EFCAB14: variants seen among roughly 807,000 people sequenced by gnomAD.
EFCAB14 encodes the protein EF-hand calcium binding domain 14, also known as EF-hand calcium-binding domain-containing protein 14.
In EFCAB14, 43 loss-of-function variants were observed where a neutral mutation model predicts 56.5. That is an observed-to-expected ratio of 0.76 (90% CI 0.60 to 0.98). The LOEUF (loss-of-function observed/expected upper bound fraction) is 0.98, where lower values mean the gene tolerates loss of function less well. Ranked by LOEUF, EFCAB14 falls within the 50% of genes least tolerant of loss-of-function variation. The probability of loss-of-function intolerance (pLI) is 0.00; values close to 1 mark genes in which losing one functional copy is unlikely to be tolerated. For synonymous variants in EFCAB14, 235 were observed against 212.9 expected, an observed-to-expected ratio of 1.10 and a Z score of -0.90; for missense variants, 538 against 580.3, an observed-to-expected ratio of 0.93 and a Z score of 0.75.
At chr1:46,713,175 T>C (rs1340557236) in intron 2 of EFCAB14, among the ~76,000 whole-genome samples, 1 of 152,206 alleles carries the variant, frequency 6.6e-6, no homozygotes, top group African/African-American at 2.4e-5. Flanking sequence ...GTTTAGCCTA[T>C]GGACTGACTA....
chr1:46,710,075 T>C (rs1383096159), intron 2 of EFCAB14, among the ~76,000 whole-genome samples: 1 of 152,192 alleles, frequency 6.6e-6, no homozygotes, highest in Non-Finnish European at 1.5e-5. Flanking sequence ...GTGATGGTGG[T>C]ATCCTTATTT....
intron 10 of EFCAB14, among the ~76,000 whole-genome samples, chr1:46,679,597 C>CTTTTT: frequency 3.1e-5 from 2 of 64,252 alleles, no homozygotes; most frequent in Non-Finnish European, 7.9e-5. Context: ...ACCACCACGC[C>CTTTTT]TGTTTTTTTT....
intron 3 of EFCAB14, among the ~76,000 whole-genome samples, chr1:46,704,959 GTGA>G (rs1373734348): frequency 6.6e-6 from 1 of 150,686 alleles, no homozygotes; most frequent in Non-Finnish European, 1.5e-5. Flanking sequence ...TTCTCGTTAA[GTGA>G]TATAATAACA....
chr1:46,681,015 G>A (rs995241810), intron 10 of EFCAB14, among the ~76,000 whole-genome samples: 2 of 151,438 alleles, frequency 1.3e-5, no homozygotes. Context: ...CTGTCACCCA[G>A]GTTAGAGTGC....
intron 4 of EFCAB14, 27 bp from the exon 5 acceptor site, chr1:46,691,964 A>T: frequency 6.3e-7 from 1 of 1,577,266 alleles, no homozygotes; most frequent in East Asian, 2.2e-5. Flanking sequence ...AGGAAGGTGT[A>T]AAAAAGCTTT....
chr1:46,700,982 A>T (rs61782565), intron 3 of EFCAB14, among the ~76,000 whole-genome samples: 11 of 75,980 alleles, frequency 1.4e-4, no homozygotes, highest in East Asian at 1.1e-3. Context: ...AGAGAGAGTG[A>T]GTGAGTGTGT....
intron 3 of EFCAB14, among the ~76,000 whole-genome samples, chr1:46,699,306 G>C (rs1677120009): frequency 6.6e-6 from 1 of 152,172 alleles, no homozygotes; most frequent in African/African-American, 2.4e-5. Context: ...AGAAGGGTGA[G>C]GGTGGCATCG....
chr1:46,696,610 T>C lies in EFCAB14; in HGVS notation c.520A>G (p.Asn174Asp), dbSNP rs1677081612. Residue 174 changes from asparagine (N) to aspartate (D), a missense_variant, in exon 4 of 11, where the codon AAT becomes GAT. By Grantham distance (23) the Asn-to-Asp change is conservative (BLOSUM62 1). Coordinates refer to ENST00000371933, the MANE Select transcript of EFCAB14 (RefSeq NM_014774.3). Reference sequence around the variant, plus strand: ...ATCAAGTCTGCAGCTGACTTAACATTGGCTTTGAGGTGGTTCACTGCAGAA... The same window carrying C: ...ATCAAGTCTGCAGCTGACTTAACATCGGCTTTGAGGTGGTTCACTGCAGAA... ...LTSAVNHLKA[N>D]VKSAADLISL... 2 of 1,613,566 alleles carry C rather than the reference T, an allele frequency of 1.2e-6. No individual in the cohort carries two copies. Among genetic ancestry groups the C allele is most frequent in the African/African-American group, 2.7e-5 (2 of 74,870 alleles).
At chr1:46,701,328 G>A (rs1677154066) in intron 3 of EFCAB14, among the ~76,000 whole-genome samples, 1 of 152,210 alleles carries the variant, frequency 6.6e-6, no homozygotes, top group African/African-American at 2.4e-5. Context: ...GTGCCCCAAA[G>A]TATGTACACA....
At chr1:46,715,820 G>A (rs1167245897) in intron 2 of EFCAB14, among the ~76,000 whole-genome samples, 1 of 152,016 alleles carries the variant, frequency 6.6e-6, no homozygotes, top group Non-Finnish European at 1.5e-5. Flanking sequence ...CAACATTCAA[G>A]CAGAGAGCTC....
intron 3 of EFCAB14, among the ~76,000 whole-genome samples, chr1:46,703,943 A>G (rs1343648531): frequency 6.6e-6 from 1 of 152,200 alleles, no homozygotes; most frequent in Non-Finnish European, 1.5e-5. Context: ...TGTTCTACCT[A>G]AAATATTCTT....
chr1:46,681,750 T>C (rs1303408098), intron 10 of EFCAB14, among the ~76,000 whole-genome samples: 1 of 152,076 alleles, frequency 6.6e-6, no homozygotes, highest in South Asian at 2.1e-4. Flanking sequence ...AAAAATATGA[T>C]TGCTGCCTCA....
At position 46,678,238 on chromosome 1, in the gene EFCAB14, C is replaced by A; in HGVS notation, c.*223G>T. ...TTCTGGCAATTTTAAAATGTAAGAT[C>A]TTACTGGTTGTAGGAAATCATAGAT... On this transcript the variant is annotated 3_prime_UTR_variant, in exon 11 of 11. Coordinates refer to ENST00000371933, the MANE Select transcript of EFCAB14 (RefSeq NM_014774.3). 2.5e-6 allele frequency: 1 copy of A among 399,266 alleles called. No individual in the cohort carries two copies. The highest frequency in any genetic ancestry group is 4.4e-6 in the Non-Finnish European group (1 of 228,792). The allele number at this position is 399,266 out of a possible 1,614,324, so 24.7% of individuals were successfully genotyped here.
At chr1:46,697,483 T>C (rs926661058) in intron 3 of EFCAB14, among the ~76,000 whole-genome samples, 1 of 152,180 alleles carries the variant, frequency 6.6e-6, no homozygotes, top group Admixed American at 6.5e-5. Flanking sequence ...GAAAGACTCT[T>C]AGTTCTAAAC....
chr1:46,682,372 T>A (rs1150064), intron 10 of EFCAB14: 60,792 of 151,976 alleles, frequency 0.4, 13,916 homozygotes, highest in East Asian at 0.78. Flanking sequence ...TAATACAAAA[T>A]CGGGAGGCAC....
In EFCAB14 at chr1:46,718,141, C is replaced by T; in HGVS notation, c.-54G>A. ...ACTCCTGAGCTGCCAGGTTCGTACC[C>T]GATGCCCAATTCTCTTCCTGCCTTG... On this transcript the variant is annotated 5_prime_UTR_variant, in exon 1 of 11. Transcript: ENST00000371933. 2 of 1,574,046 alleles carry T rather than the reference C, an allele frequency of 1.3e-6. No homozygotes were observed. Among genetic ancestry groups the T allele is most frequent in the Non-Finnish European group, 1.7e-6 (2 of 1,153,836 alleles).
At position 46,684,473 on chromosome 1, in the gene EFCAB14, A is replaced by G. The variant is rs756720119; in HGVS notation, c.1186+18T>C. On this transcript the variant is annotated intron_variant, in intron 9 of 10. Transcript: ENST00000371933. ...CTCAAGCCTCCATGAAATATTAAGA[A>G]GCCGGCTCTGCTCTCACCTTCATCG... The G allele has an allele frequency of 8.1e-6, 13 of 1,604,474 alleles. No individual in the cohort carries two copies. The highest frequency in any genetic ancestry group is 1.1e-5 in the Non-Finnish European group (13 of 1,171,890).
At chr1:46,688,202 A>C (rs1267299468) in intron 7 of EFCAB14, 151 bp downstream of exon 7, 4 of 743,078 alleles carry the variant, frequency 5.4e-6, no homozygotes, top group Admixed American at 2.7e-5. Flanking sequence ...TAGTGTGAGG[A>C]TTAAATGAGA....
chr1:46,716,581 A>G (rs1450849757), intron 1 of EFCAB14, 138 bp from the exon 2 acceptor site: 26 of 956,954 alleles, frequency 2.7e-5, no homozygotes, highest in Non-Finnish European at 3.7e-5. Flanking sequence ...GGCAGGGTAA[A>G]GCACTTAAAT....
Sources: gnomAD v4.1 joint callset for allele counts (sites outside exome capture counted in the v4.1 genomes callset) on GRCh38, gnomAD v4.1.1 for gene constraint, MANE v1.5 for transcripts, NCBI Gene and HGNC (gene_info 2026-07-23, HGNC 2026-07-21) for gene names.